Variants in ZNF429 observed in about 807,000 individuals in gnomAD.
The protein encoded by ZNF429 is zinc finger protein 429.
Under a neutral mutation model 56.8 loss-of-function variants are expected in ZNF429, and 53 were observed. The ratio of observed to expected loss-of-function variants is 0.93; its 90% CI spans 0.75 to 1.17. The LOEUF (loss-of-function observed/expected upper bound fraction) is 1.17, where lower values mean the gene tolerates loss of function less well. Among genes scored for constraint, ZNF429 ranks in the 50% most tolerant of loss-of-function variants. The pLI is 0.00. For missense variants in ZNF429, 849 were observed against 788.4 expected (o/e 1.08, Z -0.92); for synonymous variants, 278 against 264.7 (o/e 1.05, Z -0.49).
chr19:21,534,844 C>T, intron 3 of ZNF429, among the ~76,000 whole-genome samples: 1 of 148,722 alleles, frequency 6.7e-6, no homozygotes, highest in Non-Finnish European at 1.5e-5. Context: ...GAGTATCGCT[C>T]TGTCGCCCAG....
chr19:21,511,073 C>T (rs1477800624), intron 1 of ZNF429, among the ~76,000 whole-genome samples: 1 of 152,234 alleles, frequency 6.6e-6, no homozygotes, highest in Non-Finnish European at 1.5e-5. Flanking sequence ...GTCATCATGA[C>T]CCGTTCTCAA....
At chr19:21,514,472 G>T (rs2681393) in intron 1 of ZNF429, among the ~76,000 whole-genome samples, 2,963 of 151,070 alleles carry the variant, frequency 0.02, 117 homozygotes, top group African/African-American at 0.068. Flanking sequence ...AGGATAATGG[G>T]CTTCACCTCC....
rs1470880823 is a variant in ZNF429, at chr19:21,525,184, C to G, written c.4-4474C>G. On this transcript the variant is annotated intron_variant, in intron 1 of 3. Transcript: ENST00000358491. ...CATCAGCTGAAGGGATATTTATGGA[C>G]AGAAGAATTTTTATTATTATTTCTA... is the stretch of plus-strand genomic sequence containing the variant. 3.3e-5 allele frequency among the ~76,000 whole-genome samples: 5 copies of G among 152,174 alleles called. No homozygotes were observed. The East Asian group carries it at 9.6e-4, about 29-fold the overall frequency.
At position 21,536,479 on chromosome 19, in the gene ZNF429, C is replaced by A. The variant is rs372280271; in HGVS notation, c.426C>A (p.Ser142Arg). 5 of 1,613,058 alleles carry A rather than the reference C, an allele frequency of 3.1e-6. No individual in the cohort carries two copies. Among genetic ancestry groups the A allele is most frequent in the Non-Finnish European group, 4.2e-6 (5 of 1,179,618 alleles). Reference sequence around the variant, plus strand: ...ACCAATGTTTGACACTTACCCAGAGCAAAATGTATCACTGTGATATATATG... The same window carrying A: ...ACCAATGTTTGACACTTACCCAGAGAAAAATGTATCACTGTGATATATATG... ...GLNQCLTLTQ[S>R]KMYHCDIYVK... Residue 142 changes from serine to arginine, a missense_variant, in exon 4 of 4, where the codon AGC (serine) becomes AGA (arginine). Transcript: ENST00000358491.
chr19:21,517,086 A>C (rs959626867), intron 1 of ZNF429, among the ~76,000 whole-genome samples: 2 of 152,206 alleles, frequency 1.3e-5, no homozygotes, highest in Admixed American at 1.3e-4. Flanking sequence ...TTTGTCACAG[A>C]TATCTTACTA....
intron 1 of ZNF429, chr19:21,519,128 AAAATT>A (rs1382329944): frequency 2.6e-5 from 4 of 152,238 alleles, no homozygotes; most frequent in Non-Finnish European, 5.9e-5. Context: ...TAAAGAAAAT[AAAATT>A]AAATTAAAAA....
intron 1 of ZNF429, among the ~76,000 whole-genome samples, chr19:21,507,832 A>C (rs887729961): frequency 1.3e-5 from 2 of 152,214 alleles, no homozygotes; most frequent in Admixed American, 6.5e-5. Flanking sequence ...TCAGATGTTA[A>C]GACTGTGTTC....
At chr19:21,536,232 ATC>A in intron 3 of ZNF429, 46 bp from the exon 4 acceptor site, 3 of 1,512,840 alleles carry the variant, frequency 2.0e-6, no homozygotes, top group African/African-American at 2.8e-5. Flanking sequence ...ACGTATATAT[ATC>A]TGAGTCTAGT....
At position 21,505,650 on chromosome 19, in the gene ZNF429, C is replaced by G. The variant is rs148740939; in HGVS notation, c.-122C>G. ...CGTTTGGCTCTTGCTGCAGCCAGAG[C>G]TCCAGGTCTCGTCTTCATTTCTGTG... On this transcript the variant is annotated 5_prime_UTR_variant, in exon 1 of 4. Transcript: ENST00000358491. 34 of 1,068,730 alleles carry G rather than the reference C, an allele frequency of 3.2e-5. No homozygotes were observed. Among genetic ancestry groups the G allele is most frequent in the Non-Finnish European group, 4.3e-5 (32 of 744,686 alleles). 66.2% of individuals were successfully genotyped at this position (1,068,730 alleles called of 1,614,324 possible). A position where few individuals can be genotyped will look rare whatever the true frequency, so the allele number is the denominator to read the frequency against.
chr19:21,535,348 C>T, intron 3 of ZNF429, among the ~76,000 whole-genome samples: 24 of 45,074 alleles, frequency 5.3e-4, no homozygotes, highest in African/African-American at 1.7e-3. Context: ...TCTTTCCTTT[C>T]CTTTCTTTTC....
chr19:21,520,294 C>T (rs2032945253), intron 1 of ZNF429, among the ~76,000 whole-genome samples: 2 of 152,138 alleles, frequency 1.3e-5, no homozygotes, highest in South Asian at 4.1e-4. Flanking sequence ...TTCAGATGTC[C>T]AAGGGTTCAG....
At chr19:21,517,015 T>C (rs1288217752) in intron 1 of ZNF429, among the ~76,000 whole-genome samples, 1 of 152,216 alleles carries the variant, frequency 6.6e-6, no homozygotes, top group African/African-American at 2.4e-5. Flanking sequence ...ATCCTTTTCT[T>C]GTGCCAGTTT....
rs139831240 is a variant in ZNF429, at chr19:21,509,485, G to A, written c.3+3711G>A. Among the ~76,000 whole-genome samples, 114 of 152,186 alleles carry A rather than the reference G, an allele frequency of 7.5e-4. 1 individual carries two copies. Among genetic ancestry groups the A allele is most frequent in the African/African-American group, 2.6e-3 (108 of 41,532 alleles). ...AAGACCAAGTGAATAACTCTGACACGGAAATTAAAACTTGAGCCCAGTGAC... is the reference window on the plus strand; with the variant it reads ...AAGACCAAGTGAATAACTCTGACACAGAAATTAAAACTTGAGCCCAGTGAC... On this transcript the variant is annotated intron_variant, in intron 1 of 3. Transcript: ENST00000358491.
rs1341529452 is a variant in ZNF429, at chr19:21,529,739, T to C, written c.85T>C (p.Tyr29His). ...QCLDTAQQNLYRNVMLENYRN... is the reference protein window; with the variant it reads ...QCLDTAQQNLHRNVMLENYRN... ...CCTGGACACAGCACAACAGAACTTA[T>C]ATAGAAATGTGATGTTAGAGAACTA... The change falls in exon 2 of 4, where the codon TAT becomes CAT. Residue 29 changes from tyrosine to histidine, a missense_variant. Physicochemically the swap from Tyr to His is moderately conservative, Grantham distance 83. Transcript: ENST00000358491. The C allele has an allele frequency of 4.4e-6, 7 of 1,599,370 alleles. No individual in the cohort carries two copies. The highest frequency in any genetic ancestry group is 2.7e-5 in the African/African-American group (2 of 74,288).
At chr19:21,528,838 AT>A (rs1335667187) in intron 1 of ZNF429, among the ~76,000 whole-genome samples, 3 of 152,116 alleles carry the variant, frequency 2.0e-5, no homozygotes, top group Admixed American at 2.0e-4. Context: ...CAGTGAGGCT[AT>A]GTCTTTCTGT....
In ZNF429 at chr19:21,536,739, A is replaced by G. The variant is rs1294861254; in HGVS notation, c.686A>G (p.Tyr229Cys). 1 of 1,614,050 alleles carries G rather than the reference A, an allele frequency of 6.2e-7. No individual in the cohort carries two copies. Among genetic ancestry groups the G allele is most frequent in the South Asian group, 1.1e-5 (1 of 91,086 alleles). ...HKRIYVGEKHYRCEECGKAFN... is the reference protein window; with the variant it reads ...HKRIYVGEKHCRCEECGKAFN... ...AGAATTTATGTTGGTGAGAAACACT[A>G]CAGATGTGAAGAATGTGGCAAAGCA... Residue 229 changes from tyrosine to cysteine, a missense_variant, in exon 4 of 4, where the codon TAC (tyrosine) becomes TGC (cysteine). Transcript: ENST00000358491.
rs752291954 is a variant in ZNF429, at chr19:21,537,632, C to T, written c.1579C>T (p.His527Tyr). 1 of 1,613,326 alleles carries T rather than the reference C, an allele frequency of 6.2e-7. No homozygotes were observed. The highest frequency in any genetic ancestry group is 2.2e-5 in the East Asian group (1 of 44,782). ...TATCCTGTCCTCAAGACTTACTCAA[C>T]ATAAGAAAATTCATACTGGAGAGAA... ...AFILSSRLTQ[H>Y]KKIHTGEKPY... Residue 527 changes from histidine (H) to tyrosine (Y), a missense_variant, in exon 4 of 4, where the codon CAT (histidine) becomes TAT (tyrosine). Physicochemically the swap from His to Tyr is moderately conservative, Grantham distance 83. Transcript: ENST00000358491.
At chr19:21,529,597 C>A in intron 1 of ZNF429, 61 bp from the exon 2 acceptor site, 3 of 1,367,220 alleles carry the variant, frequency 2.2e-6, no homozygotes, top group Non-Finnish European at 2.9e-6. Flanking sequence ...TACCCATGGG[C>A]ACTTGGTCAA....
In ZNF429 at chr19:21,540,016, A is replaced by AT. The variant is rs770649227; in HGVS notation, c.*1939dup. Among the ~76,000 whole-genome samples the AT allele has an allele frequency of 1.3e-5, 2 of 152,176 alleles. No individual in the cohort carries two copies. The highest frequency in any genetic ancestry group is 2.9e-5 in the Non-Finnish European group (2 of 68,044). On this transcript the variant is annotated 3_prime_UTR_variant, in exon 4 of 4. Transcript: ENST00000358491. ...ATGTATGAGGTCGATGTTCAGAGTA[A>AT]TATGCCTCTGTATTACAGTGATAGA...
Sources: allele counts gnomAD v4.1 joint callset (sites outside exome capture counted in the v4.1 genomes callset), GRCh38; gene constraint gnomAD v4.1.1; transcripts MANE v1.5; gene names NCBI Gene and HGNC (gene_info 2026-07-23, HGNC 2026-07-21).